C11orf91: variants seen among roughly 807,000 people sequenced by gnomAD.
C11orf91 encodes the protein chromosome 11 open reading frame 91.
Under a neutral mutation model 14.3 loss-of-function variants are expected in C11orf91, and 10 were observed. The ratio of observed to expected loss-of-function variants is 0.70; its 90% CI spans 0.43 to 1.18. The LOEUF (loss-of-function observed/expected upper bound fraction) is 1.18. Among genes scored for constraint, C11orf91 ranks in the 50% most tolerant of loss-of-function variants. The probability of loss-of-function intolerance (pLI) is 0.00; values close to 1 mark genes in which losing one functional copy is unlikely to be tolerated. For synonymous variants in C11orf91, 141 were observed against 130.6 expected (o/e 1.08, Z -0.54); for missense variants, 236 against 269.0 (o/e 0.88, Z 0.86).
At position 33,698,332 on chromosome 11, in the gene C11orf91, C is replaced by A. The variant is rs1590495524; in HGVS notation, c.*97G>T. 1.3e-6 allele frequency: 1 copy of A among 786,300 alleles called. No individual in the cohort carries two copies. The highest frequency in any genetic ancestry group is 2.1e-6 in the Non-Finnish European group (1 of 469,994). The allele number at this position is 786,300 out of a possible 1,614,324, so 48.7% of individuals were successfully genotyped here. On this transcript the variant is annotated 3_prime_UTR_variant, in exon 2 of 2. Coordinates refer to ENST00000379011, the MANE Select transcript of C11orf91 (RefSeq NM_001166692.2). ...AACAAGAACAGCGGTAAATACAGAACAGAAAATAACCATCTTTGAAATGAC... is the reference window on the plus strand; with the variant it reads ...AACAAGAACAGCGGTAAATACAGAAAAGAAAATAACCATCTTTGAAATGAC...
upstream of C11orf91, among the ~76,000 whole-genome samples, chr11:33,701,016 A>G (rs1167994495): frequency 1.3e-5 from 2 of 152,110 alleles, no homozygotes; most frequent in East Asian, 3.9e-4. Context: ...GACTCCGCCC[A>G]CCGCCTCGCT....
At position 33,698,449 on chromosome 11, in the gene C11orf91, T is replaced by C; in HGVS notation, c.562A>G (p.Lys188Glu). The C allele has an allele frequency of 1.3e-6, 2 of 1,537,474 alleles. No individual in the cohort carries two copies. Among genetic ancestry groups the C allele is most frequent in the South Asian group, 2.4e-5 (2 of 84,060 alleles). Residue 188 changes from lysine (K) to glutamate (E), a missense_variant, in exon 2 of 2, where the codon AAG becomes GAG. Lys to Glu is a moderately conservative substitution (Grantham distance 56). Transcript: ENST00000379011. The stretch of plus-strand genomic sequence containing the variant: ...GCTCCTCAGGAGAGAGAGGCCGACT[T>C]CTTTCCAGGTTGCTTGGTCTTCAGT... ...QGLKTKQPGK[K>E]SASLS
At chr11:33,702,290 T>C (rs1273760847), upstream of C11orf91, among the ~76,000 whole-genome samples, 1 of 152,082 alleles carries the variant, frequency 6.6e-6, no homozygotes, top group African/African-American at 2.4e-5. Context: ...TCTGTCTCTA[T>C]AAAATAATTT....
At position 33,698,402 on chromosome 11, in the gene C11orf91, G is replaced by A. The variant is rs542409915; in HGVS notation, c.*27C>T. The stretch of plus-strand genomic sequence containing the variant: ...CTAAGCACTAACACCTAAGGAGGTG[G>A]CTGCCCAAGCTCTGGTAGGCAGCTC... On this transcript the variant is annotated 3_prime_UTR_variant, in exon 2 of 2. Transcript: ENST00000379011. 3.0e-5 allele frequency: 42 copies of A among 1,400,262 alleles called. 1 individual carries two copies. The highest frequency in any genetic ancestry group is 1.7e-4 in the Middle Eastern group (1 of 5,732). The allele number at this position is 1,400,262 out of a possible 1,614,324, so 86.7% of individuals were successfully genotyped here.
intron 1 of C11orf91, among the ~76,000 whole-genome samples, chr11:33,698,774 A>ATT (rs55712821): frequency 0.22 from 22,766 of 103,988 alleles, 2,777 homozygotes; most frequent in Non-Finnish European, 0.28. Context: ...TCTTCTTCTA[A>ATT]TTTTTTTTTT....
chr11:33,698,856 C>T lies in C11orf91; in HGVS notation c.497-342G>A, dbSNP rs1853072789. Among the ~76,000 whole-genome samples the T allele has an allele frequency of 2.2e-5, 3 of 137,718 alleles. 1 individual carries two copies. Among genetic ancestry groups the T allele is most frequent in the Non-Finnish European group, 4.6e-5 (3 of 65,512 alleles). The allele number at this position is 137,718 out of a possible 152,430, so 90.3% of individuals were successfully genotyped here. ...AGTGCAGTGGCACAATCTTGGCTTA[C>T]TGCAACCTCGGCCTCCTGGGTTCAA... On this transcript the variant is annotated intron_variant, in intron 1 of 1. Transcript: ENST00000379011.
intron 1 of C11orf91, chr11:33,699,744 G>T (rs983750621): frequency 2.4e-6 from 1 of 416,776 alleles, no homozygotes; most frequent in Non-Finnish European, 4.9e-6. Context: ...AAGCTGCCCT[G>T]GAAACGGCCT....
Position 33,700,320 on chromosome 11 carries a change from G to C in C11orf91, c.421C>G (p.Leu141Val), listed in dbSNP as rs1368738466. Residue 141 changes from leucine (L) to valine (V), a missense_variant, in exon 1 of 2, where the codon CTC (leucine) becomes GTC (valine). Physicochemically the swap from Leu to Val is conservative, Grantham distance 32. Coordinates refer to ENST00000379011, the MANE Select transcript of C11orf91 (RefSeq NM_001166692.2). ...RLASASHPEE[L>V]CELEIRIKEL... ...TTAATCCGGATCTCCAGCTCGCAGA[G>C]CTCCTCCGGGTGGGAGGCAGAGGCG... is the stretch of plus-strand genomic sequence containing the variant. The C allele has an allele frequency of 6.5e-7, 1 of 1,535,434 alleles. No homozygotes were observed. The highest frequency in any genetic ancestry group is 2.0e-5 in the Admixed American group (1 of 50,986).
intron 1 of C11orf91, among the ~76,000 whole-genome samples, 191 bp from the exon 2 acceptor site, chr11:33,698,705 A>G (rs1853066755): frequency 1.3e-5 from 2 of 152,038 alleles, no homozygotes; most frequent in African/African-American, 4.8e-5. Context: ...CTGACTGTAC[A>G]TGCAACACAT....
upstream of C11orf91, chr11:33,700,862 C>A: frequency 2.1e-6 from 2 of 959,396 alleles, no homozygotes; most frequent in Middle Eastern, 3.7e-4. Context: ...CCCACCCTTT[C>A]GCCTCAGCCC....
chr11:33,704,647 T>C (rs1416523637), upstream of C11orf91: 1 of 152,198 alleles, frequency 6.6e-6, no homozygotes, highest in South Asian at 2.1e-4. Flanking sequence ...AACTGAGGCA[T>C]GTAAGGTTAA....
chr11:33,701,225 A>G (rs561903650), upstream of C11orf91, among the ~76,000 whole-genome samples: 2 of 152,334 alleles, frequency 1.3e-5, no homozygotes, highest in African/African-American at 4.8e-5. Context: ...CGCCCACAGC[A>G]AAGAAGTCTG....
chr11:33,699,670 C>T (rs1853087948), intron 1 of C11orf91: 2 of 456,184 alleles, frequency 4.4e-6, no homozygotes, highest in Non-Finnish European at 4.4e-6. Flanking sequence ...GAGAGAACTA[C>T]CGGCGCCAAG....
chr11:33,700,625 A>G lies in C11orf91; in HGVS notation c.116T>C (p.Phe39Ser). The G allele has an allele frequency of 6.8e-7, 1 of 1,474,918 alleles. No individual in the cohort carries two copies. 91.4% of individuals were successfully genotyped at this position (1,474,918 alleles called of 1,614,324 possible). A position where few individuals can be genotyped will look rare whatever the true frequency, so the allele number is the denominator to read the frequency against. The change falls in exon 1 of 2, where the codon TTC (phenylalanine) becomes TCC (serine). Residue 39 changes from phenylalanine (F) to serine (S), a missense_variant. Transcript: ENST00000379011. ...CACGAAGAGCTTCTTCCAGATGTTG[A>G]AGTCGCTGAGCGGGGACGAGGAGAT... is the stretch of plus-strand genomic sequence containing the variant. ...RGISSSPLSD[F>S]NIWKKLFVPL...
upstream of C11orf91, chr11:33,704,864 C>T (rs975202633): frequency 1.3e-5 from 2 of 152,598 alleles, no homozygotes; most frequent in South Asian, 4.1e-4. Flanking sequence ...AATTTAAGGA[C>T]CAAGCTATTC....
chr11:33,704,349 G>A (rs1564964348), upstream of C11orf91: 1 of 152,152 alleles, frequency 6.6e-6, no homozygotes. Flanking sequence ...ACTAGTAGGT[G>A]GTCATTGGAG....
Position 33,700,597 on chromosome 11 carries a change from C to T in C11orf91, c.144G>A (p.Pro48=). ...CCACTGGCGCCCCGCCCGCCTTCAG[C>T]GGCACGAAGAGCTTCTTCCAGATGT... ...DFNIWKKLFV[P]LKAGGAPVGG... Residue 48 remains proline, a synonymous_variant, in exon 1 of 2, where the codon CCG becomes CCA. Transcript: ENST00000379011. 2.1e-6 allele frequency: 3 copies of T among 1,463,248 alleles called. No individual in the cohort carries two copies. Among genetic ancestry groups the T allele is most frequent in the Non-Finnish European group, 2.7e-6 (3 of 1,112,030 alleles). The allele number at this position is 1,463,248 out of a possible 1,614,324, so 90.6% of individuals were successfully genotyped here.
chr11:33,706,381 G>C, the C11orf91 span: 2 of 151,700 alleles, frequency 1.3e-5, no homozygotes, highest in African/African-American at 2.4e-5. Context: ...AAGTCAGTGG[G>C]GGTAAATGCA....
upstream of C11orf91, chr11:33,700,912 G>A: frequency 1.9e-6 from 1 of 517,770 alleles, no homozygotes; most frequent in Non-Finnish European, 2.8e-6. Flanking sequence ...GGACGACCAC[G>A]TCCCGGAACG....
Sources: allele counts gnomAD v4.1 joint callset (sites outside exome capture counted in the v4.1 genomes callset), GRCh38; gene constraint gnomAD v4.1.1; transcripts MANE v1.5; gene names NCBI Gene and HGNC (gene_info 2026-07-23, HGNC 2026-07-21).